The following DPP10 variants were observed in gnomAD, a reference collection of about 807,000 sequenced individuals.
DPP10 encodes the protein inactive dipeptidyl peptidase 10.
Under a neutral mutation model 120.9 loss-of-function variants are expected in DPP10, and 33 were observed. That is an observed-to-expected ratio of 0.27 (90% confidence interval 0.21 to 0.37). The LOEUF is 0.37. Ranked by LOEUF, DPP10 falls within the 10% of genes least tolerant of loss-of-function variation. The probability of loss-of-function intolerance (pLI) is 1.00; values close to 1 mark genes in which losing one functional copy is unlikely to be tolerated. For synonymous variants in DPP10, 337 were observed against 326.1 expected (o/e 1.03, Z -0.36); for missense variants, 816 against 942.8 (o/e 0.87, Z 1.76).
At chr2:115,646,623 C>T (rs1033214635) in intron 5 of DPP10, among the ~76,000 whole-genome samples, 7 of 152,252 alleles carry the variant, frequency 4.6e-5, no homozygotes, top group East Asian at 1.9e-4. Flanking sequence ...GATGGCTATA[C>T]TGAAAGATTT....
chr2:114,572,431 A>G (rs553081979), intron 1 of DPP10, among the ~76,000 whole-genome samples: 2 of 152,328 alleles, frequency 1.3e-5, no homozygotes, highest in South Asian at 4.1e-4. Context: ...TCATTCTATA[A>G]TAATCACCAA....
chr2:114,989,712 C>A (rs916373817), intron 1 of DPP10, among the ~76,000 whole-genome samples: 1 of 152,176 alleles, frequency 6.6e-6, no homozygotes, highest in African/African-American at 2.4e-5. Flanking sequence ...GGTTCGTTAT[C>A]TAAATCATAA....
Position 114,966,916 on chromosome 2 carries a change from C to G in DPP10, c.61-342323C>G, listed in dbSNP as rs376726444. Among the ~76,000 whole-genome samples the G allele has an allele frequency of 4.6e-5, 7 of 152,216 alleles. No homozygotes were observed. The East Asian group carries it at 1.2e-3, about 25-fold the overall frequency. ...AATTAGCTGGGTGTAGTGGCTCATG[C>G]CTGTAATCCCAGCTACTTGGGAGGC... On this transcript the variant is annotated intron_variant, in intron 1 of 25. Coordinates refer to ENST00000410059, the MANE Select transcript of DPP10 (RefSeq NM_020868.6).
chr2:115,123,203 G>A (rs1167121504), intron 1 of DPP10, among the ~76,000 whole-genome samples: 7 of 152,112 alleles, frequency 4.6e-5, no homozygotes, highest in Admixed American at 1.3e-4. Flanking sequence ...AAGTTGTAGC[G>A]GGACCAAAAG....
At chr2:115,460,077 AC>A (rs2073899513) in intron 3 of DPP10, among the ~76,000 whole-genome samples, 1 of 151,914 alleles carries the variant, frequency 6.6e-6, no homozygotes, top group Non-Finnish European at 1.5e-5. Context: ...TAAATGTAGT[AC>A]ATTTTCCTCT....
intron 1 of DPP10, among the ~76,000 whole-genome samples, chr2:114,652,027 A>G (rs1356608721): frequency 6.6e-6 from 1 of 152,142 alleles, no homozygotes; most frequent in African/African-American, 2.4e-5. Context: ...TCTGATTAGC[A>G]AAGTTGGGAT....
At chr2:115,260,964 A>T (rs989171450) in intron 1 of DPP10, among the ~76,000 whole-genome samples, 1 of 152,222 alleles carries the variant, frequency 6.6e-6, no homozygotes, top group Non-Finnish European at 1.5e-5. Context: ...TCAAAACCAT[A>T]ATTAGTATTT....
chr2:115,755,799 A>T (rs1679314728), intron 11 of DPP10, among the ~76,000 whole-genome samples: 1 of 152,010 alleles, frequency 6.6e-6, no homozygotes, highest in Non-Finnish European at 1.5e-5. Context: ...CCTGCATCTG[A>T]TGTTTACTGC....
At chr2:114,753,146 C>G (rs1055438368) in intron 1 of DPP10, among the ~76,000 whole-genome samples, 2 of 152,132 alleles carry the variant, frequency 1.3e-5, no homozygotes, top group African/African-American at 4.8e-5. Flanking sequence ...ACTCCACACT[C>G]CCAAATAATG....
intron 1 of DPP10, among the ~76,000 whole-genome samples, chr2:115,054,923 G>A (rs565877690): frequency 6.6e-6 from 1 of 152,136 alleles, no homozygotes; most frequent in South Asian, 2.1e-4. Context: ...AAAAACGAAA[G>A]AAAAACATAT....
chr2:114,972,735 T>G (rs535045265), intron 1 of DPP10, among the ~76,000 whole-genome samples: 11 of 152,212 alleles, frequency 7.2e-5, no homozygotes, highest in Non-Finnish European at 1.6e-4. Context: ...ATCAAGAAAG[T>G]GTTCTATGAT....
intron 3 of DPP10, among the ~76,000 whole-genome samples, chr2:115,450,657 G>A (rs1323409471): frequency 1.3e-5 from 2 of 151,780 alleles, no homozygotes; most frequent in Admixed American, 6.6e-5. Context: ...ATAAAATATG[G>A]CATATCCTTG....
chr2:114,897,734 A>G (rs1007570544), intron 1 of DPP10, among the ~76,000 whole-genome samples: 16 of 152,314 alleles, frequency 1.1e-4, no homozygotes, highest in African/African-American at 3.6e-4. Flanking sequence ...GCAGCCAAAA[A>G]ACACATGACA....
chr2:115,266,504 T>C (rs989181559), intron 1 of DPP10, among the ~76,000 whole-genome samples: 2 of 152,344 alleles, frequency 1.3e-5, no homozygotes, highest in South Asian at 2.1e-4. Flanking sequence ...AGGTACACTC[T>C]TGAGACAGGT....
intron 3 of DPP10, among the ~76,000 whole-genome samples, chr2:115,480,888 A>G (rs2075387762): frequency 6.6e-6 from 1 of 152,196 alleles, no homozygotes; most frequent in Admixed American, 6.6e-5. Context: ...AGAAGCAAAG[A>G]AAAGCAACAG....
intron 1 of DPP10, among the ~76,000 whole-genome samples, chr2:114,536,408 C>CTTTTTTTTTTTTTTTTTTT (rs70937287): frequency 1.6e-5 from 2 of 128,732 alleles, no homozygotes; most frequent in Non-Finnish European, 1.6e-5. Flanking sequence ...TTTTCTTTTT[C>CTTTTTTTTTTTTTTTTTTT]TTTTTTTTTT....
intron 3 of DPP10, among the ~76,000 whole-genome samples, chr2:115,414,447 TC>T (rs1443547189): frequency 6.6e-6 from 1 of 152,162 alleles, no homozygotes; most frequent in Non-Finnish European, 1.5e-5. Flanking sequence ...TAGTAGGAAA[TC>T]AATTAATACT....
At chr2:115,382,301 G>A (rs2066449476) in intron 3 of DPP10, among the ~76,000 whole-genome samples, 2 of 152,130 alleles carry the variant, frequency 1.3e-5, no homozygotes, top group Admixed American at 1.3e-4. Context: ...GCAGTATTAG[G>A]GTGGGAGTGA....
chr2:115,156,817 C>A (rs1388554427), intron 1 of DPP10, among the ~76,000 whole-genome samples: 2 of 152,152 alleles, frequency 1.3e-5, no homozygotes, highest in African/African-American at 4.8e-5. Context: ...TCTAAATACT[C>A]CTCCATACAT....
Sources: allele counts gnomAD v4.1 joint callset (sites outside exome capture counted in the v4.1 genomes callset), GRCh38; gene constraint gnomAD v4.1.1; transcripts MANE v1.5; gene names NCBI Gene and HGNC (gene_info 2026-07-23, HGNC 2026-07-21).